The following GGA2 variants were observed in gnomAD, a reference collection of about 807,000 sequenced individuals.
The protein encoded by GGA2 is golgi associated, gamma adaptin ear containing, ARF binding protein 2, also known as ADP-ribosylation factor-binding protein GGA2.
In GGA2, 48 loss-of-function variants were observed where a neutral mutation model predicts 79.5. The observed-to-expected ratio is 0.60, with a 90% CI of 0.48 to 0.77. The LOEUF (loss-of-function observed/expected upper bound fraction) is 0.77, where lower values mean the gene tolerates loss of function less well. Ranked by LOEUF, GGA2 falls within the 30% of genes least tolerant of loss-of-function variation. GGA2 has a pLI of 0.00. For missense variants in GGA2, 770 were observed against 774.0 expected, an observed-to-expected ratio of 0.99 and a Z score of 0.06; for synonymous variants, 317 against 302.0, an observed-to-expected ratio of 1.05 and a Z score of -0.51.
At chr16:23,508,742 G>T (rs1168817298) in intron 1 of GGA2, among the ~76,000 whole-genome samples, 2 of 152,070 alleles carry the variant, frequency 1.3e-5, no homozygotes, top group African/African-American at 4.8e-5. Flanking sequence ...CAAACCGTAC[G>T]TCCCACACTT....
Position 23,494,301 on chromosome 16 carries a change from A to G in GGA2, c.252+2T>C. ...TTAGGCTACAAGGCAAGCCAAACTC[A>G]CCGTTAAGGCATAAAGAGCTTCCTT... On this transcript the variant is annotated splice_donor_variant, in intron 3 of 16. Transcript: ENST00000309859. LOFTEE classifies it high-confidence loss of function. 4.4e-6 allele frequency: 7 copies of G among 1,594,494 alleles called. No individual in the cohort carries two copies. Among genetic ancestry groups the G allele is most frequent in the Non-Finnish European group, 6.0e-6 (7 of 1,162,092 alleles).
chr16:23,479,074 T>G (rs1360123579), intron 11 of GGA2, 163 bp from the exon 12 acceptor site: 1 of 649,870 alleles, frequency 1.5e-6, no homozygotes, highest in Non-Finnish European at 2.8e-6. Flanking sequence ...GTGACTAATA[T>G]GCAAGGGGGA....
At chr16:23,519,166 G>T (rs150253825) in intron 2 of GGA2, among the ~76,000 whole-genome samples, 3 of 148,988 alleles carry the variant, frequency 2.0e-5, no homozygotes, top group African/African-American at 7.4e-5. Context: ...CCTCAGCCAC[G>T]CCAGTAGCTG....
rs1463323524 is a variant in GGA2, at chr16:23,464,174, T to C, written c.*3416A>G. ...ATATTCACTTTTCTTTTGGTTGTCATTTATTGTTTTCAACACTATCTTCAT... is the reference window on the plus strand; with the variant it reads ...ATATTCACTTTTCTTTTGGTTGTCACTTATTGTTTTCAACACTATCTTCAT... On this transcript the variant is annotated 3_prime_UTR_variant, in exon 17 of 17. Transcript: ENST00000309859. The C allele has an allele frequency of 6.6e-6, 1 of 152,226 alleles. No individual in the cohort carries two copies. The highest frequency in any genetic ancestry group is 1.9e-4 in the East Asian group (1 of 5,204). The allele number at this position is 152,226 out of a possible 1,614,324, so 9.4% of individuals were successfully genotyped here.
intron 14 of GGA2, 117 bp from the exon 15 acceptor site, chr16:23,470,282 G>A: frequency 1.4e-6 from 1 of 690,512 alleles, no homozygotes. Context: ...TGCAGAACAT[G>A]TCCAGGACTG....
At position 23,510,474 on chromosome 16, in the gene GGA2, G is replaced by A. The variant is rs933152850; in HGVS notation, c.-63C>T. The A allele has an allele frequency of 3.0e-5, 18 of 607,574 alleles. No individual in the cohort carries two copies. The highest frequency in any genetic ancestry group is 1.9e-5 in the African/African-American group (1 of 52,004). 37.6% of individuals were successfully genotyped at this position (607,574 alleles called of 1,614,324 possible). ...CCTCTTCAGCCGCTGTAGCGTCCTG[G>A]CGCTCTCCTCTGCTGACTGCGCGGC... On this transcript the variant is annotated 5_prime_UTR_variant, in exon 1 of 17. Transcript: ENST00000309859.
At chr16:23,491,576 T>C in intron 5 of GGA2, 101 bp downstream of exon 5, 3 of 894,568 alleles carry the variant, frequency 3.4e-6, no homozygotes, top group Non-Finnish European at 5.1e-6. Flanking sequence ...TGGTCCTACA[T>C]AAGAAGTACA....
chr16:23,479,972 ACCT>A, intron 10 of GGA2, 85 bp from the exon 11 acceptor site: 1 of 1,311,284 alleles, frequency 7.6e-7, no homozygotes, highest in Non-Finnish European at 1.1e-6. Context: ...CCCTCAGACC[ACCT>A]CCTAATCAAA....
At chr16:23,473,617 T>C (rs1964542314) in intron 14 of GGA2, among the ~76,000 whole-genome samples, 1 of 152,152 alleles carries the variant, frequency 6.6e-6, no homozygotes, top group African/African-American at 2.4e-5. Flanking sequence ...CATGAGCCAC[T>C]GCGTCTGGCC....
chr16:23,480,625 G>C lies in GGA2; in HGVS notation c.1006+20C>G, dbSNP rs968272235. On this transcript the variant is annotated intron_variant, in intron 10 of 16. Coordinates refer to ENST00000309859, the MANE Select transcript of GGA2 (RefSeq NM_015044.4). ...GGCTGCCCCAAGGCAGAGAAGGCAA[G>C]GAGAAGCTTTCAAACATACCTCTGG... The C allele has an allele frequency of 6.3e-7, 1 of 1,597,962 alleles. No individual in the cohort carries two copies. The highest frequency in any genetic ancestry group is 8.6e-7 in the Non-Finnish European group (1 of 1,167,006).
At chr16:23,509,430 C>CCCT (rs1016472661) in intron 1 of GGA2, among the ~76,000 whole-genome samples, 2 of 152,140 alleles carry the variant, frequency 1.3e-5, no homozygotes, top group Admixed American at 1.3e-4. Context: ...GAAACGAACG[C>CCCT]CCTCCTCCTC....
At chr16:23,480,296 G>C (rs922480827) in intron 10 of GGA2, 4 of 309,642 alleles carry the variant, frequency 1.3e-5, no homozygotes, top group Non-Finnish European at 2.4e-5. Context: ...ATTTCAACCA[G>C]TGCTCCAGGT....
intron 1 of GGA2, among the ~76,000 whole-genome samples, chr16:23,509,025 C>T (rs1185108974): frequency 3.9e-5 from 6 of 151,984 alleles, no homozygotes; most frequent in Admixed American, 1.3e-4. Context: ...CTGCGGCCCC[C>T]AACCACCACC....
intron 1 of GGA2, among the ~76,000 whole-genome samples, chr16:23,496,180 G>A (rs1392500547): frequency 6.6e-6 from 1 of 151,648 alleles, no homozygotes; most frequent in Non-Finnish European, 1.5e-5. Context: ...ATCCATGCCT[G>A]TAATCCCAGC....
upstream of GGA2, among the ~76,000 whole-genome samples, chr16:23,513,699 C>T (rs1010721871): frequency 4.0e-5 from 6 of 149,746 alleles, no homozygotes; most frequent in Non-Finnish European, 7.4e-5. Context: ...GCAGGAGGAC[C>T]ACTTGAGCCT....
At chr16:23,488,374 A>G (rs1216080214) in intron 6 of GGA2, among the ~76,000 whole-genome samples, 1 of 152,148 alleles carries the variant, frequency 6.6e-6, no homozygotes, top group African/African-American at 2.4e-5. Context: ...AAGACCCAGG[A>G]TGCAGTGTCT....
intron 1 of GGA2, among the ~76,000 whole-genome samples, chr16:23,508,658 G>T (rs1238248402): frequency 6.6e-6 from 1 of 151,958 alleles, no homozygotes; most frequent in Non-Finnish European, 1.5e-5. Flanking sequence ...GGCTCCCCAC[G>T]CTCTCTTTCC....
intron 1 of GGA2, among the ~76,000 whole-genome samples, chr16:23,496,733 G>T (rs2142135970): frequency 6.6e-6 from 1 of 152,282 alleles, no homozygotes; most frequent in Admixed American, 6.5e-5. Flanking sequence ...GAGGCAGGTA[G>T]ATCACTTGAG....
At position 23,478,866 on chromosome 16, in the gene GGA2, G is replaced by A; in HGVS notation, c.1158+17C>T. On this transcript the variant is annotated intron_variant, in intron 12 of 16. Coordinates refer to ENST00000309859, the MANE Select transcript of GGA2 (RefSeq NM_015044.4). ...CCCTCCCATTCTCTCTCCGGGCCCT[G>A]GGAAGGGCATCCTTACCATGCCTGT... is the stretch of plus-strand genomic sequence containing the variant. 6.3e-7 allele frequency: 1 copy of A among 1,586,164 alleles called. No homozygotes were observed. The highest frequency in any genetic ancestry group is 1.1e-5 in the South Asian group (1 of 90,564).
Sources: gnomAD v4.1 joint callset for allele counts (sites outside exome capture counted in the v4.1 genomes callset) on GRCh38, gnomAD v4.1.1 for gene constraint, MANE v1.5 for transcripts, NCBI Gene and HGNC (gene_info 2026-07-23, HGNC 2026-07-21) for gene names.